The following RNF152 variants were observed in gnomAD, a reference collection of about 807,000 sequenced individuals.
RNF152 encodes ring finger protein 152.
Under a neutral mutation model 12.7 loss-of-function variants are expected in RNF152, and 11 were observed. The observed-to-expected ratio is 0.86, with a 90% CI of 0.54 to 1.43. RNF152 has a LOEUF of 1.43. Ranked by LOEUF, RNF152 falls within the 40% of genes most tolerant of loss-of-function variation. RNF152 has a pLI of 0.00. For synonymous variants in RNF152, 113 were observed against 120.3 expected (o/e 0.94, Z 0.40); for missense variants, 255 against 274.8 (o/e 0.93, Z 0.51).
intron 1 of RNF152, among the ~76,000 whole-genome samples, chr18:61,858,869 T>C (rs918164364): frequency 6.6e-6 from 1 of 152,234 alleles, no homozygotes; most frequent in African/African-American, 2.4e-5. Context: ...TAATAGGAGA[T>C]GTGCTTAAGT....
rs1660776721 is a variant in RNF152 at position 61,813,578 on chromosome 18, G to A, written c.*2274C>T. On this transcript the variant is annotated 3_prime_UTR_variant, in exon 2 of 2. Transcript: ENST00000312828. ...CTACAGATTTGCACTAAGAAACACA[G>A]GACACTATCATCACACACATTAGTG... is the stretch of plus-strand genomic sequence containing the variant. The A allele has an allele frequency of 6.6e-6, 1 of 152,070 alleles. No individual in the cohort carries two copies. The highest frequency in any genetic ancestry group is 2.4e-5 in the African/African-American group (1 of 41,386). The allele number at this position is 152,070 out of a possible 1,614,324, so 9.4% of individuals were successfully genotyped here.
chr18:61,844,247 G>T, intron 1 of RNF152, among the ~76,000 whole-genome samples: 1 of 144,464 alleles, frequency 6.9e-6, no homozygotes, highest in African/African-American at 2.6e-5. Context: ...GGGAGGGGAG[G>T]GCAGGCCCCA....
chr18:61,858,184 T>C (rs1568282447), intron 1 of RNF152, among the ~76,000 whole-genome samples: 1 of 152,170 alleles, frequency 6.6e-6, no homozygotes, highest in East Asian at 1.9e-4. Context: ...TCCACCCAGG[T>C]CCCACTGACT....
chr18:61,881,885 C>T (rs1388227872), intron 1 of RNF152, among the ~76,000 whole-genome samples: 1 of 152,140 alleles, frequency 6.6e-6, no homozygotes, highest in Non-Finnish European at 1.5e-5. Flanking sequence ...TAACAGTCTT[C>T]TTATAGGACA....
At chr18:61,838,929 C>T (rs1352711695) in intron 1 of RNF152, among the ~76,000 whole-genome samples, 1 of 152,040 alleles carries the variant, frequency 6.6e-6, no homozygotes, top group Non-Finnish European at 1.5e-5. Context: ...TGCTTCTCTG[C>T]TGACAATATT....
chr18:61,832,489 C>T (rs918276559), intron 1 of RNF152, among the ~76,000 whole-genome samples: 3 of 152,256 alleles, frequency 2.0e-5, no homozygotes, highest in Non-Finnish European at 2.9e-5. Flanking sequence ...TCCCAAATAG[C>T]TACGCATACC....
intron 1 of RNF152, among the ~76,000 whole-genome samples, chr18:61,836,701 G>A (rs1334384965): frequency 6.6e-6 from 1 of 151,062 alleles, no homozygotes; most frequent in Non-Finnish European, 1.5e-5. Context: ...TAAGACAGAT[G>A]GTAATGTTTT....
At chr18:61,827,027 G>A (rs1258558259) in intron 1 of RNF152, among the ~76,000 whole-genome samples, 3 of 152,102 alleles carry the variant, frequency 2.0e-5, no homozygotes, top group Non-Finnish European at 2.9e-5. Context: ...TTGAAATATG[G>A]ATCTATTATT....
chr18:61,820,302 C>T (rs1909327634), intron 1 of RNF152, among the ~76,000 whole-genome samples: 1 of 115,306 alleles, frequency 8.7e-6, no homozygotes. Flanking sequence ...GCACTCCAGC[C>T]TGGGTGACAG....
chr18:61,840,344 C>T (rs1910395282), intron 1 of RNF152, among the ~76,000 whole-genome samples: 3 of 152,188 alleles, frequency 2.0e-5, no homozygotes, highest in Admixed American at 6.5e-5. Flanking sequence ...CTTGCTCTCA[C>T]GAAGTAGGCA....
intron 1 of RNF152, among the ~76,000 whole-genome samples, chr18:61,883,886 C>T (rs1912572617): frequency 6.6e-6 from 1 of 152,206 alleles, no homozygotes; most frequent in Non-Finnish European, 1.5e-5. Flanking sequence ...TCATTTTAAA[C>T]TCAGAGCCAC....
chr18:61,840,696 C>A (rs2144670578), intron 1 of RNF152, among the ~76,000 whole-genome samples: 1 of 152,190 alleles, frequency 6.6e-6, no homozygotes, highest in Middle Eastern at 3.4e-3. Flanking sequence ...CACCCAGGGA[C>A]CTATTTGTTC....
At position 61,815,975 on chromosome 18, in the gene RNF152, G is replaced by C; in HGVS notation, c.489C>G (p.Ser163Arg). ...EEQDRRGVVK[S>R]STWSGVCTVI... is the part of the protein sequence containing the mutation. Reference sequence around the variant, plus strand: ...CAGTGCACACCCCCGACCAGGTGGAGCTTTTCACCACGCCCCGCCTGTCCT... The same window carrying C: ...CAGTGCACACCCCCGACCAGGTGGACCTTTTCACCACGCCCCGCCTGTCCT... The change falls in exon 2 of 2, where the codon AGC (serine) becomes AGG (arginine). Residue 163 changes from serine (S) to arginine (R), a missense_variant. Physicochemically the swap from Ser to Arg is moderately radical, Grantham distance 110. Transcript: ENST00000312828. 6.2e-7 allele frequency: 1 copy of C among 1,614,200 alleles called. No homozygotes were observed. The highest frequency in any genetic ancestry group is 1.1e-5 in the South Asian group (1 of 91,072).
At chr18:61,877,836 C>A (rs1912283962) in intron 1 of RNF152, among the ~76,000 whole-genome samples, 1 of 152,178 alleles carries the variant, frequency 6.6e-6, no homozygotes. Context: ...GTCTCTTCAT[C>A]CCAAATGTCA....
At chr18:61,893,793 A>C (rs1296529378), upstream of RNF152, 1 of 151,820 alleles carries the variant, frequency 6.6e-6, no homozygotes, top group Non-Finnish European at 1.5e-5. Context: ...GCACGAGGAA[A>C]GCTCCCTCGG....
At chr18:61,845,921 G>GT (rs779760423) in intron 1 of RNF152, among the ~76,000 whole-genome samples, 12 of 128,702 alleles carry the variant, frequency 9.3e-5, no homozygotes, top group Non-Finnish European at 1.8e-4. Flanking sequence ...GGCTTTGTGT[G>GT]GGGGGGCGTG....
chr18:61,851,391 C>T lies in RNF152; in HGVS notation c.-135-34793G>A, dbSNP rs199861568. Among the ~76,000 whole-genome samples the T allele has an allele frequency of 1.8e-3, 267 of 152,146 alleles. 1 individual carries two copies. The highest frequency in any genetic ancestry group is 6.0e-3 in the African/African-American group (250 of 41,500). On this transcript the variant is annotated intron_variant, in intron 1 of 1. Coordinates refer to ENST00000312828, the MANE Select transcript of RNF152 (RefSeq NM_173557.3). ...TGCTTATTGAAGAGGGGAGGGAGGA[C>T]GGAAAAGAGGAGAAAACACTTACCC...
At chr18:61,863,307 C>G (rs565835869) in intron 1 of RNF152, among the ~76,000 whole-genome samples, 1 of 151,942 alleles carries the variant, frequency 6.6e-6, no homozygotes, top group Non-Finnish European at 1.5e-5. Flanking sequence ...TGGTGACACA[C>G]GCCTGTAGTC....
At chr18:61,842,718 C>A (rs924058756) in intron 1 of RNF152, among the ~76,000 whole-genome samples, 1 of 152,140 alleles carries the variant, frequency 6.6e-6, no homozygotes, top group Non-Finnish European at 1.5e-5. Context: ...GCTGGGGAGG[C>A]CTCACAATCA....
Sources: allele counts gnomAD v4.1 joint callset (sites outside exome capture counted in the v4.1 genomes callset), GRCh38; gene constraint gnomAD v4.1.1; transcripts MANE v1.5; gene names NCBI Gene and HGNC (gene_info 2026-07-23, HGNC 2026-07-21).